BUB1B: variants seen among roughly 807,000 people sequenced by gnomAD.
The protein encoded by BUB1B is mitotic checkpoint serine/threonine-protein kinase BUB1 beta.
Under a neutral mutation model 137.7 loss-of-function variants are expected in BUB1B, and 86 were observed. The observed-to-expected ratio is 0.62, with a 90% CI of 0.52 to 0.75. The LOEUF is 0.75. BUB1B is among the 30% of genes least tolerant of loss of function. The pLI is 0.00. For missense variants in BUB1B, 1,130 were observed against 1,236.9 expected (o/e 0.91, Z 1.30); for synonymous variants, 420 against 417.9 (o/e 1.00, Z -0.06).
In BUB1B at chr15:40,185,257, G is replaced by T. The variant is rs769897552; in HGVS notation, c.844G>T (p.Ala282Ser). 6.2e-7 allele frequency: 1 copy of T among 1,614,092 alleles called. No individual in the cohort carries two copies. Among genetic ancestry groups the T allele is most frequent in the East Asian group, 2.2e-5 (1 of 44,870 alleles). ...ITVFDENADE[A>S]STAELSKPTV... is the part of the protein sequence containing the mutation. The stretch of plus-strand genomic sequence containing the variant: ...TGTTTTTGATGAAAATGCTGATGAG[G>T]CTTCTACAGCAGAGTTGTCTAAGCC... The change falls in exon 7 of 23, where the codon GCT becomes TCT. Residue 282 changes from alanine to serine, a missense_variant. Physicochemically the swap from Ala to Ser is moderately conservative, Grantham distance 99. Coordinates refer to ENST00000287598, the MANE Select transcript of BUB1B (RefSeq NM_001211.6).
rs763027047 is a variant in BUB1B, at chr15:40,208,775, G to GT, written c.2143+5_2143+6insT. ...AACTTACTAATGAGACTTCAGGTAG[G>GT]ATATACATACCACTATATCCATGCC... On this transcript the variant is annotated splice_donor_region_variant and intron_variant, in intron 16 of 22. Transcript: ENST00000287598. 2.5e-5 allele frequency: 40 copies of GT among 1,607,764 alleles called. No individual in the cohort carries two copies. In the South Asian group the frequency reaches 4.1e-4, roughly 16 times the overall value.
chr15:40,206,104 A>G, intron 14 of BUB1B, 80 bp from the exon 15 acceptor site: 13 of 1,433,166 alleles, frequency 9.1e-6, no homozygotes, highest in Non-Finnish European at 1.3e-5. Flanking sequence ...TGTGTCACTG[A>G]GCTAATATGT....
At position 40,200,355 on chromosome 15, in the gene BUB1B, G is replaced by A. The variant is rs1158168896; in HGVS notation, c.1513G>A (p.Ala505Thr). 1 of 1,612,480 alleles carries A rather than the reference G, an allele frequency of 6.2e-7. No individual in the cohort carries two copies. The highest frequency in any genetic ancestry group is 8.5e-7 in the Non-Finnish European group (1 of 1,178,676). ...TTCTGTTTGTCAAGTAAACTGTTGT[G>A]CCAGGTAAGACTACATAGGTGGAAG... ...SSSVCQVNCCARETSLAENIW... is the reference protein window; with the variant it reads ...SSSVCQVNCCTRETSLAENIW... The change falls in exon 11 of 23, where the codon GCC becomes ACC. Residue 505 changes from alanine to threonine, a missense_variant. Ala to Thr is a moderately conservative substitution (Grantham distance 58, BLOSUM62 0). Transcript: ENST00000287598.
chr15:40,186,373 G>C (rs2037360550), intron 8 of BUB1B, among the ~76,000 whole-genome samples: 1 of 150,344 alleles, frequency 6.7e-6, no homozygotes, highest in African/African-American at 2.5e-5. Context: ...ATAGTAGCTG[G>C]TGGTTAAATA....
chr15:40,182,564 CT>C (rs1267559772), intron 5 of BUB1B, among the ~76,000 whole-genome samples: 1 of 152,140 alleles, frequency 6.6e-6, no homozygotes. Context: ...TAATCTGGGG[CT>C]TGGGCAGTGG....
At chr15:40,168,370 AAAAAAAAGAAAAGG>A (rs959410836) in intron 2 of BUB1B, among the ~76,000 whole-genome samples, 7 of 152,172 alleles carry the variant, frequency 4.6e-5, no homozygotes, top group African/African-American at 1.7e-4. Flanking sequence ...TCCGTCTCAA[AAAAAAAAGAAAAGG>A]AAAAAGAGAA....
Position 40,196,770 on chromosome 15 carries a change from G to A in BUB1B, c.1284G>A (p.Arg428=), listed in dbSNP as rs2037503717. ...EVFRKKLKEQ[R]EAELLTSAEK... ...TCCGGAAGAAATTAAAAGAGCAAAGGGAAGGTGTGTGTAATTCAAGTTTGT... is the reference window on the plus strand; with the variant it reads ...TCCGGAAGAAATTAAAAGAGCAAAGAGAAGGTGTGTGTAATTCAAGTTTGT... Residue 428 remains arginine (R), a synonymous_variant, in exon 9 of 23, where the codon AGG becomes AGA. Transcript: ENST00000287598. 1 of 1,613,506 alleles carries A rather than the reference G, an allele frequency of 6.2e-7. No individual in the cohort carries two copies. Among genetic ancestry groups the A allele is most frequent in the African/African-American group, 1.3e-5 (1 of 74,908 alleles).
chr15:40,170,117 G>T lies in BUB1B; in HGVS notation c.235G>T (p.Asp79Tyr). 1 of 1,612,654 alleles carries T rather than the reference G, an allele frequency of 6.2e-7. No homozygotes were observed. The highest frequency in any genetic ancestry group is 8.5e-7 in the Non-Finnish European group (1 of 1,178,638). Residue 79 changes from aspartate to tyrosine, a missense_variant, in exon 3 of 23, where the codon GAT (aspartate) becomes TAT (tyrosine). By Grantham distance (160) the Asp-to-Tyr change is radical. Transcript: ENST00000287598. ...YTGNDPLDVW[D>Y]RYISWTEQNY... is the part of the protein sequence containing the mutation. The stretch of plus-strand genomic sequence containing the variant: ...TGGAAATGACCCTCTGGATGTTTGG[G>T]ATAGGTGGGTCTTTTTATTTCACAA...
chr15:40,163,201 T>C (rs547705949), intron 1 of BUB1B, among the ~76,000 whole-genome samples: 26 of 152,318 alleles, frequency 1.7e-4, no homozygotes, highest in African/African-American at 5.5e-4. Flanking sequence ...TGAGATGGGC[T>C]CTGGCCACCC....
intron 6 of BUB1B, among the ~76,000 whole-genome samples, chr15:40,184,771 G>A (rs1011481253): frequency 7.2e-5 from 11 of 152,126 alleles, no homozygotes; most frequent in African/African-American, 2.7e-4. Flanking sequence ...GGTTAATTTT[G>A]TATTCTCTAG....
intron 4 of BUB1B, among the ~76,000 whole-genome samples, chr15:40,173,048 A>G (rs4924430): frequency 0.69 from 105,246 of 151,966 alleles, 37,205 homozygotes; most frequent in African/African-American, 0.76. Flanking sequence ...GGCCAAGGTA[A>G]GTGTATCATC....
At chr15:40,161,709 G>C (rs566448124) in intron 1 of BUB1B, among the ~76,000 whole-genome samples, 2 of 152,270 alleles carry the variant, frequency 1.3e-5, no homozygotes, top group South Asian at 4.1e-4. Flanking sequence ...ACAGAGATCT[G>C]AAAGCCTTTA....
Position 40,206,330 on chromosome 15 carries a change from C to T in BUB1B, c.1881C>T (p.Ser627=). 1 of 1,614,088 alleles carries T rather than the reference C, an allele frequency of 6.2e-7. No individual in the cohort carries two copies. The highest frequency in any genetic ancestry group is 8.5e-7 in the Non-Finnish European group (1 of 1,180,020). The part of the protein sequence containing the change: ...FVSTPFHEIM[S]LKDLPSDPER... ...CCACTCCTTTTCATGAGATAATGTCCTTGAAGGATCTCCCTTCTGATCCTG... is the reference window on the plus strand; with the variant it reads ...CCACTCCTTTTCATGAGATAATGTCTTTGAAGGATCTCCCTTCTGATCCTG... Residue 627 remains serine, a synonymous_variant, in exon 15 of 23, where the codon TCC becomes TCT. Coordinates refer to ENST00000287598, the MANE Select transcript of BUB1B (RefSeq NM_001211.6).
Position 40,211,538 on chromosome 15 carries a change from T to G in BUB1B, c.2386-961T>G, listed in dbSNP as rs182295108. 6.6e-5 allele frequency among the ~76,000 whole-genome samples: 10 copies of G among 152,316 alleles called. No homozygotes were observed. The East Asian group carries it at 1.9e-3, about 29-fold the overall frequency. Reference sequence around the variant, plus strand: ...TCTGCCTGGAGCATATAAGCCTGGCTGCTAGCTTTCTGAAATCTGAGTGAG... The same window carrying G: ...TCTGCCTGGAGCATATAAGCCTGGCGGCTAGCTTTCTGAAATCTGAGTGAG... On this transcript the variant is annotated intron_variant, in intron 18 of 22. Coordinates refer to ENST00000287598, the MANE Select transcript of BUB1B (RefSeq NM_001211.6).
intron 8 of BUB1B, among the ~76,000 whole-genome samples, chr15:40,186,430 CTTTTTTT>C (rs769074759): frequency 1.5e-5 from 1 of 67,356 alleles, no homozygotes; most frequent in Non-Finnish European, 2.6e-5. Flanking sequence ...TTGCCTAGTT[CTTTTTTT>C]TTTTTTTTTT....
intron 21 of BUB1B, 90 bp from the exon 22 acceptor site, chr15:40,218,366 A>G: frequency 3.4e-6 from 3 of 887,260 alleles, no homozygotes; most frequent in Non-Finnish European, 5.6e-6. Flanking sequence ...TTAGTTAAGC[A>G]CTGTAATACC....
At chr15:40,185,021 A>G (rs574530168) in intron 6 of BUB1B, 144 bp from the exon 7 acceptor site, 3 of 675,304 alleles carry the variant, frequency 4.4e-6, no homozygotes, top group Non-Finnish European at 7.2e-6. Context: ...TAATTTTTTT[A>G]AAGATTATTT....
chr15:40,174,896 G>A (rs1483154949), intron 4 of BUB1B, among the ~76,000 whole-genome samples: 1 of 152,122 alleles, frequency 6.6e-6, no homozygotes, highest in Non-Finnish European at 1.5e-5. Context: ...CCTGGGAGGC[G>A]GAAGTTGCAG....
rs374196224 is a variant in BUB1B at position 40,220,525 on chromosome 15, A to T, written c.2958-39A>T. The T allele has an allele frequency of 8.1e-6, 13 of 1,600,740 alleles. No individual in the cohort carries two copies. In the East Asian group the frequency reaches 2.2e-4, roughly 27 times the overall value. ...AACTAAAAGGAATTATAATTTTCATATGCCTAATCTTGATGGAAATGGTTT... is the reference window on the plus strand; with the variant it reads ...AACTAAAAGGAATTATAATTTTCATTTGCCTAATCTTGATGGAAATGGTTT... On this transcript the variant is annotated intron_variant, in intron 22 of 22. Coordinates refer to ENST00000287598, the MANE Select transcript of BUB1B (RefSeq NM_001211.6).
Sources: gnomAD v4.1 joint callset for allele counts (sites outside exome capture counted in the v4.1 genomes callset) on GRCh38, gnomAD v4.1.1 for gene constraint, MANE v1.5 for transcripts, NCBI Gene and HGNC (gene_info 2026-07-23, HGNC 2026-07-21) for gene names.